Variants in NLGN1 observed in about 807,000 individuals in gnomAD.
The protein encoded by NLGN1 is neuroligin-1.
Under a neutral mutation model 65.5 loss-of-function variants are expected in NLGN1, and 12 were observed. That is an observed-to-expected ratio of 0.18 (90% CI 0.12 to 0.30). The LOEUF is 0.30. Ranked by LOEUF, NLGN1 falls within the 10% of genes least tolerant of loss-of-function variation. The pLI is 1.00. For missense variants in NLGN1, 750 were observed against 1,007.1 expected (o/e 0.74, Z 3.46); for synonymous variants, 350 against 359.5 (o/e 0.97, Z 0.30).
intron 4 of NLGN1, among the ~76,000 whole-genome samples, chr3:174,046,169 T>C (rs1317212386): frequency 6.6e-6 from 1 of 152,184 alleles, no homozygotes; most frequent in African/African-American, 2.4e-5. Context: ...TGAAGCTCCA[T>C]ACTATATTTC....
chr3:174,275,198 ACT>A (rs1491245685), intron 4 of NLGN1, 115 bp from the exon 5 acceptor site: 16 of 688,180 alleles, frequency 2.3e-5, no homozygotes, highest in African/African-American at 3.6e-5. Flanking sequence ...AATAATTTTT[ACT>A]AATGAACTTG....
chr3:173,761,938 A>G (rs1778024992), intron 3 of NLGN1, among the ~76,000 whole-genome samples: 1 of 152,126 alleles, frequency 6.6e-6, no homozygotes, highest in African/African-American at 2.4e-5. Context: ...ACAGAATTCT[A>G]GTTCTCAGAG....
chr3:173,445,040 G>GAGGCCGA (rs1303038162), intron 2 of NLGN1, among the ~76,000 whole-genome samples: 12 of 151,332 alleles, frequency 7.9e-5, no homozygotes, highest in African/African-American at 2.7e-4. Context: ...AGGCCGAGGC[G>GAGGCCGA]GGCGGATCAC....
intron 4 of NLGN1, among the ~76,000 whole-genome samples, chr3:173,948,749 T>C (rs1315807995): frequency 6.6e-6 from 1 of 152,190 alleles, no homozygotes; most frequent in Non-Finnish European, 1.5e-5. Context: ...GTACCTGTGC[T>C]TATGACTGTT....
chr3:173,555,767 C>T (rs1043866574), intron 2 of NLGN1, among the ~76,000 whole-genome samples: 2 of 152,158 alleles, frequency 1.3e-5, no homozygotes, highest in African/African-American at 2.4e-5. Context: ...CAGGCGTGAG[C>T]AAATGCTCCC....
chr3:174,291,136 T>C (rs1264742046), downstream of NLGN1, among the ~76,000 whole-genome samples: 1 of 149,492 alleles, frequency 6.7e-6, no homozygotes, highest in Non-Finnish European at 1.5e-5. Flanking sequence ...TAGTAAAAAG[T>C]AGAAAAAATC....
intron 4 of NLGN1, among the ~76,000 whole-genome samples, chr3:174,068,312 C>T (rs1739096499): frequency 6.6e-6 from 1 of 152,118 alleles, no homozygotes; most frequent in Admixed American, 6.6e-5. Flanking sequence ...CACTCCCTTC[C>T]AGCCTGCAAC....
intron 2 of NLGN1, among the ~76,000 whole-genome samples, chr3:173,518,878 G>T (rs999293598): frequency 1.2e-4 from 19 of 152,102 alleles, no homozygotes; most frequent in Non-Finnish European, 1.5e-5. Context: ...ACACAATGGG[G>T]GAAAGGCCTC....
At chr3:173,844,791 G>C (rs561046804) in intron 4 of NLGN1, among the ~76,000 whole-genome samples, 1 of 152,282 alleles carries the variant, frequency 6.6e-6, no homozygotes, top group East Asian at 1.9e-4. Context: ...TCATTCATTT[G>C]ACAAATTTTA....
At chr3:174,170,054 G>A (rs1350382679) in intron 4 of NLGN1, among the ~76,000 whole-genome samples, 2 of 151,942 alleles carry the variant, frequency 1.3e-5, no homozygotes, top group Non-Finnish European at 2.9e-5. Flanking sequence ...ACCATCATGG[G>A]GGCTGTTTGC....
At chr3:174,014,019 C>G (rs1726064910) in intron 4 of NLGN1, among the ~76,000 whole-genome samples, 1 of 152,048 alleles carries the variant, frequency 6.6e-6, no homozygotes, top group Non-Finnish European at 1.5e-5. Context: ...CTGGCTGAAT[C>G]TAGTATTTTC....
chr3:173,520,571 A>G (rs1208441757), intron 2 of NLGN1, among the ~76,000 whole-genome samples: 2 of 152,224 alleles, frequency 1.3e-5, no homozygotes. Flanking sequence ...TCAACAAATC[A>G]TAATGTAGTG....
At chr3:173,554,112 T>C (rs1166259821) in intron 2 of NLGN1, among the ~76,000 whole-genome samples, 2 of 152,066 alleles carry the variant, frequency 1.3e-5, no homozygotes, top group Non-Finnish European at 2.9e-5. Context: ...TTTTTAATAT[T>C]TGAATCCACT....
chr3:173,864,887 C>A (rs992771216), intron 4 of NLGN1, among the ~76,000 whole-genome samples: 2 of 152,066 alleles, frequency 1.3e-5, no homozygotes, highest in Non-Finnish European at 2.9e-5. Flanking sequence ...GATGGAAAAC[C>A]TAGAATGAGA....
chr3:174,286,077 A>G (rs2152900186), exon 7 of NLGN1: 1 of 151,492 alleles, frequency 6.6e-6, no homozygotes, highest in East Asian at 1.9e-4. Context: ...ATTTGAAAGA[A>G]GTCTGAAGCT....
chr3:173,487,495 T>C (rs77440686), intron 2 of NLGN1, among the ~76,000 whole-genome samples: 1 of 152,006 alleles, frequency 6.6e-6, no homozygotes, highest in Non-Finnish European at 1.5e-5. Flanking sequence ...TATCTTTTTT[T>C]CTAAATCTTC....
At chr3:173,618,535 G>A (rs1753496584) in intron 3 of NLGN1, among the ~76,000 whole-genome samples, 2 of 152,050 alleles carry the variant, frequency 1.3e-5, no homozygotes, top group South Asian at 4.1e-4. Context: ...ATTTCCCAGG[G>A]CAAGCCAGAA....
At chr3:173,628,480 G>A (rs1236751292) in intron 3 of NLGN1, among the ~76,000 whole-genome samples, 2 of 152,070 alleles carry the variant, frequency 1.3e-5, no homozygotes, top group East Asian at 3.9e-4. Context: ...CATAAAAAGA[G>A]AAGTTAGAGA....
chr3:173,719,211 C>G (rs933935294), intron 3 of NLGN1, among the ~76,000 whole-genome samples: 23 of 152,296 alleles, frequency 1.5e-4, no homozygotes, highest in Admixed American at 1.4e-3. Flanking sequence ...AAGACTTGCT[C>G]TAGGTAACTG....
Sources: allele counts gnomAD v4.1 joint callset (sites outside exome capture counted in the v4.1 genomes callset), GRCh38; gene constraint gnomAD v4.1.1; transcripts MANE v1.5; gene names NCBI Gene and HGNC (gene_info 2026-07-23, HGNC 2026-07-21).